Variants in DPP6 observed in about 807,000 individuals in gnomAD.
DPP6 encodes A-type potassium channel modulatory protein DPP6.
DPP6 carries 69 observed loss-of-function variants against 122.6 expected under a neutral mutation model. The ratio of observed to expected loss-of-function variants is 0.56; its 90% CI spans 0.46 to 0.69. The LOEUF (loss-of-function observed/expected upper bound fraction) is 0.69. Ranked by LOEUF, DPP6 falls within the 30% of genes least tolerant of loss-of-function variation. DPP6 has a pLI of 0.00. For missense variants in DPP6, 928 were observed against 1,116.9 expected (o/e 0.83, Z 2.41); for synonymous variants, 418 against 433.1 (o/e 0.97, Z 0.43).
chr7:154,441,402 A>G lies in DPP6; in HGVS notation c.244-4812A>G, dbSNP rs1453790977. 5.9e-5 allele frequency among the ~76,000 whole-genome samples: 9 copies of G among 152,248 alleles called. No homozygotes were observed. The East Asian group carries it at 1.3e-3, about 23-fold the overall frequency. ...TGTGTTTCTATAATTTTTATAAATT[A>G]TAGTGTGCTTTCAAATACATTTACA... On this transcript the variant is annotated intron_variant, in intron 1 of 25. Transcript: ENST00000377770.
intron 17 of DPP6, among the ~76,000 whole-genome samples, chr7:154,866,318 T>G (rs992368551): frequency 6.6e-6 from 1 of 152,232 alleles, no homozygotes; most frequent in Admixed American, 6.5e-5. Context: ...CCTGGAGCAT[T>G]GCATTAAAGG....
At chr7:154,090,862 T>TGC (rs1804756018) in intron 1 of DPP6, among the ~76,000 whole-genome samples, 2 of 150,024 alleles carry the variant, frequency 1.3e-5, no homozygotes, top group South Asian at 4.3e-4. Context: ...GGCTCATGCC[T>TGC]GTAATCCCAG....
chr7:154,892,592 T>G lies in DPP6; in HGVS notation c.*112T>G. 2 of 1,545,282 alleles carry G rather than the reference T, an allele frequency of 1.3e-6. No homozygotes were observed. ...GGGCGGGGCGGGGCGGGGCCGGGTG[T>G]TCCATAGCATGTGTGTCTCGGATGC... On this transcript the variant is annotated 3_prime_UTR_variant, in exon 26 of 26. Coordinates refer to ENST00000377770, the MANE Select transcript of DPP6 (RefSeq NM_130797.4).
At chr7:153,945,798 G>A (rs1396547933) in intron 1 of DPP6, among the ~76,000 whole-genome samples, 1 of 152,196 alleles carries the variant, frequency 6.6e-6, no homozygotes, top group Admixed American at 6.5e-5. Context: ...GCTTCCAGGG[G>A]CTTTGTGGCC....
rs905497965 is a variant in DPP6, at chr7:154,282,914, C to G, written c.244-163300C>G. Among the ~76,000 whole-genome samples the G allele has an allele frequency of 7.9e-5, 12 of 152,118 alleles. No homozygotes were observed. The highest frequency in any genetic ancestry group is 7.9e-4 in the Admixed American group (12 of 15,276). On this transcript the variant is annotated intron_variant, in intron 1 of 25. Transcript: ENST00000377770. The surrounding 1 kb of genome is among the most constrained non-coding windows in gnomAD (Gnocchi z 4.8). ...AGTTCCCTTGACATCCTGCTCAGTC[C>G]AAGGGTCACAACATGTCTGATGCCT...
At chr7:154,143,413 A>C (rs1369592998) in intron 1 of DPP6, among the ~76,000 whole-genome samples, 2 of 151,342 alleles carry the variant, frequency 1.3e-5, no homozygotes, top group African/African-American at 4.8e-5. Context: ...ACTTTCAGAT[A>C]AGTTTCTAAA....
At chr7:153,929,559 G>A (rs1247088883) in intron 1 of DPP6, among the ~76,000 whole-genome samples, 2 of 152,110 alleles carry the variant, frequency 1.3e-5, no homozygotes, top group African/African-American at 2.4e-5. Flanking sequence ...GAGAAAGGGA[G>A]TGAATACAGA....
intron 3 of DPP6, among the ~76,000 whole-genome samples, chr7:154,496,441 A>G (rs1353525693): frequency 2.0e-5 from 3 of 152,240 alleles, no homozygotes; most frequent in East Asian, 3.8e-4. Flanking sequence ...AGAATATCCC[A>G]TTACCAAGTG....
chr7:154,730,486 AG>A (rs1842284588), intron 8 of DPP6, among the ~76,000 whole-genome samples: 2 of 152,226 alleles, frequency 1.3e-5, no homozygotes, highest in Non-Finnish European at 2.9e-5. Flanking sequence ...AGCAAGGGAC[AG>A]TTGCTGCTGT....
intron 1 of DPP6, among the ~76,000 whole-genome samples, chr7:154,330,216 G>C (rs917979629): frequency 6.6e-6 from 1 of 152,174 alleles, no homozygotes; most frequent in Non-Finnish European, 1.5e-5. Flanking sequence ...ACATGTGGCT[G>C]GTGACTGAGA....
At chr7:154,709,922 C>G (rs1428554399) in intron 7 of DPP6, among the ~76,000 whole-genome samples, 1 of 152,206 alleles carries the variant, frequency 6.6e-6, no homozygotes, top group African/African-American at 2.4e-5. Flanking sequence ...CTTTGAAGCA[C>G]CCATCAGGGG....
Position 154,618,847 on chromosome 7 carries a change from A to G in DPP6, c.628-18974A>G, listed in dbSNP as rs1004456694. Among the ~76,000 whole-genome samples the G allele has an allele frequency of 3.3e-5, 5 of 152,206 alleles. No individual in the cohort carries two copies. Among genetic ancestry groups the G allele is most frequent in the African/African-American group, 9.7e-5 (4 of 41,442 alleles). On this transcript the variant is annotated intron_variant, in intron 5 of 25. Transcript: ENST00000377770. The surrounding 1 kb of genome is among the most constrained non-coding windows in gnomAD (Gnocchi z 4.1). ...ATGTTTGTGACTTGCCCAGAGTTAC[A>G]CACTGATATGGTTTAGCTGTGTCCC...
chr7:153,950,926 C>T (rs777251387), intron 1 of DPP6, among the ~76,000 whole-genome samples: 2 of 152,076 alleles, frequency 1.3e-5, no homozygotes, highest in South Asian at 2.1e-4. Context: ...GGTGTGCGTG[C>T]GGTGCCCTAG....
chr7:154,131,497 G>A (rs1410325852), intron 1 of DPP6, among the ~76,000 whole-genome samples: 1 of 152,272 alleles, frequency 6.6e-6, no homozygotes, highest in Non-Finnish European at 1.5e-5. Flanking sequence ...GTGTGATTGG[G>A]AAGGCCCACG....
intron 3 of DPP6, among the ~76,000 whole-genome samples, chr7:154,495,352 A>G (rs536627922): frequency 4.0e-4 from 60 of 148,882 alleles, no homozygotes; most frequent in African/African-American, 1.4e-3. Flanking sequence ...TAGGAGAAAG[A>G]CATGTATATG....
intron 1 of DPP6, among the ~76,000 whole-genome samples, chr7:154,366,513 A>T (rs2075133): frequency 0.097 from 14,757 of 152,238 alleles, 878 homozygotes; most frequent in South Asian, 0.17. Flanking sequence ...AAAGAAATTT[A>T]AAAAATGCAG....
chr7:154,363,822 T>TCA (rs2151103107), intron 1 of DPP6, among the ~76,000 whole-genome samples: 1 of 152,352 alleles, frequency 6.6e-6, no homozygotes, highest in Non-Finnish European at 1.5e-5. Context: ...TTATCTCAGG[T>TCA]TTATTTTCAT....
At chr7:154,309,473 T>C (rs959450019) in intron 1 of DPP6, among the ~76,000 whole-genome samples, 2 of 152,174 alleles carry the variant, frequency 1.3e-5, no homozygotes, top group African/African-American at 4.8e-5. Flanking sequence ...AGAACGGACA[T>C]TGAAATGCAT....
chr7:154,828,691 A>G (rs1800383693), intron 16 of DPP6, among the ~76,000 whole-genome samples: 1 of 152,240 alleles, frequency 6.6e-6, no homozygotes, highest in Admixed American at 6.5e-5. Flanking sequence ...TATGATCATT[A>G]TAGTTCAGGC....
Sources: allele counts gnomAD v4.1 joint callset (sites outside exome capture counted in the v4.1 genomes callset), GRCh38; gene constraint gnomAD v4.1.1; non-coding constraint Gnocchi (gnomAD v3.1); transcripts MANE v1.5; gene names NCBI Gene and HGNC (gene_info 2026-07-23, HGNC 2026-07-21).